Variants in ECT2 observed in about 807,000 individuals in gnomAD.
ECT2 encodes epithelial cell transforming 2.
A neutral mutation model predicts 116.9 loss-of-function variants in ECT2; 61 were observed. The observed-to-expected ratio is 0.52, with a 90% confidence interval of 0.42 to 0.65. ECT2 has a LOEUF of 0.65. ECT2 is among the 30% of genes least tolerant of loss of function. The probability of loss-of-function intolerance (pLI) is 0.00; values close to 1 mark genes in which losing one functional copy is unlikely to be tolerated. For synonymous variants in ECT2, 358 were observed against 346.4 expected (o/e 1.03, Z -0.37); for missense variants, 937 against 1,078.7 (o/e 0.87, Z 1.84).
At chr3:172,794,931 C>T (rs886487695) in intron 18 of ECT2, among the ~76,000 whole-genome samples, 1 of 151,906 alleles carries the variant, frequency 6.6e-6, no homozygotes. Flanking sequence ...AGGCTGGTCT[C>T]GAACTCCTGA....
intron 12 of ECT2, among the ~76,000 whole-genome samples, chr3:172,766,354 A>G (rs1298104644): frequency 2.0e-5 from 3 of 152,246 alleles, no homozygotes. Context: ...AGACTGTAAT[A>G]TCTGAACTGT....
chr3:172,807,934 T>C lies in ECT2; in HGVS notation c.2400+10T>C. 1 of 1,610,600 alleles carries C rather than the reference T, an allele frequency of 6.2e-7. No homozygotes were observed. The highest frequency in any genetic ancestry group is 8.5e-7 in the Non-Finnish European group (1 of 1,178,152). ...TTGTAAAGCAGATGCTGTAAGTTCT[T>C]AAAACAGTATTATAATGAAAGTTTA... On this transcript the variant is annotated intron_variant, in intron 22 of 24. Transcript: ENST00000392692.
At chr3:172,760,945 T>C (rs1718165880) in intron 7 of ECT2, among the ~76,000 whole-genome samples, 1 of 151,962 alleles carries the variant, frequency 6.6e-6, no homozygotes, top group Non-Finnish European at 1.5e-5. Flanking sequence ...GGTCTCAAAC[T>C]CCCGACCTCA....
chr3:172,806,013 C>G, intron 21 of ECT2, 144 bp downstream of exon 21: 1 of 806,708 alleles, frequency 1.2e-6, no homozygotes, highest in Non-Finnish European at 1.9e-6. Context: ...GTTCTTGCAC[C>G]TCTATCCCAT....
the ECT2 span, among the ~76,000 whole-genome samples, chr3:172,828,372 A>C: frequency 7.4e-6 from 1 of 135,644 alleles, no homozygotes. Flanking sequence ...GTGTGTGTGC[A>C]TAAAACGTGA....
chr3:172,829,159 C>G, the ECT2 span: 1 of 542,574 alleles, frequency 1.8e-6, no homozygotes, highest in Non-Finnish European at 3.4e-6. Flanking sequence ...GAACAGTGCC[C>G]CAGTGGTCTG....
rs530233547 is a variant in ECT2, at chr3:172,764,619, C to T, written c.1291+119C>T. On this transcript the variant is annotated intron_variant, in intron 12 of 24. Transcript: ENST00000392692. The stretch of plus-strand genomic sequence containing the variant: ...GTCTTTGCCTTTAATTACCTTTGTT[C>T]TAGCTGTAGAGAAAAGACACATGAA... 3 of 903,910 alleles carry T rather than the reference C, an allele frequency of 3.3e-6. No individual in the cohort carries two copies. In the South Asian group the frequency reaches 5.1e-5, roughly 15 times the overall value. 56.0% of individuals were successfully genotyped at this position (903,910 alleles called of 1,614,324 possible).
At chr3:172,822,205 CAT>C (rs201081704), downstream of ECT2, among the ~76,000 whole-genome samples, 938 of 151,922 alleles carry the variant, frequency 6.2e-3, 9 homozygotes, top group African/African-American at 0.021. Context: ...AGAAGAAAGA[CAT>C]GTGATTTATC....
chr3:172,767,730 T>G (rs548833264), intron 12 of ECT2, among the ~76,000 whole-genome samples: 48 of 151,978 alleles, frequency 3.2e-4, no homozygotes, highest in African/African-American at 9.0e-4. Context: ...ATAGATTTTT[T>G]TTTTGAGACG....
At chr3:172,792,346 C>T (rs1457309875) in intron 18 of ECT2, among the ~76,000 whole-genome samples, 1 of 151,512 alleles carries the variant, frequency 6.6e-6, no homozygotes. Flanking sequence ...ACAGCAACAA[C>T]AAAGAAAACA....
chr3:172,783,589 CTA>C (rs990565918), intron 15 of ECT2, among the ~76,000 whole-genome samples: 14 of 152,008 alleles, frequency 9.2e-5, no homozygotes, highest in African/African-American at 3.1e-4. Context: ...CTGTTTTAGA[CTA>C]TGTATACCAA....
At chr3:172,758,486 G>GAC (rs1049048713) in intron 5 of ECT2, among the ~76,000 whole-genome samples, 20 of 50,738 alleles carry the variant, frequency 3.9e-4, no homozygotes, top group African/African-American at 1.4e-3. Flanking sequence ...CACACACACA[G>GAC]ACACACACAC....
At chr3:172,754,021 C>T (rs144828506) in intron 1 of ECT2, among the ~76,000 whole-genome samples, 97 of 151,988 alleles carry the variant, frequency 6.4e-4, no homozygotes, top group Middle Eastern at 6.8e-3. Flanking sequence ...TGTCATTGAA[C>T]GTATAGAGAA....
intron 13 of ECT2, among the ~76,000 whole-genome samples, chr3:172,771,616 A>G (rs1002821528): frequency 6.6e-6 from 1 of 152,168 alleles, no homozygotes; most frequent in Non-Finnish European, 1.5e-5. Context: ...TATCTAAGCT[A>G]TAGAATAATT....
intron 12 of ECT2, among the ~76,000 whole-genome samples, chr3:172,765,467 TC>T (rs1438015655): frequency 6.6e-6 from 1 of 152,170 alleles, no homozygotes; most frequent in African/African-American, 2.4e-5. Context: ...ACTTTGTACT[TC>T]CTTGTCCATG....
chr3:172,822,463 A>G (rs1307990158), downstream of ECT2, among the ~76,000 whole-genome samples: 5 of 152,030 alleles, frequency 3.3e-5, no homozygotes, highest in African/African-American at 1.2e-4. Flanking sequence ...TGCTAAGTGT[A>G]GACTGATACC....
intron 18 of ECT2, among the ~76,000 whole-genome samples, chr3:172,792,253 G>T (rs143177059): frequency 6.6e-6 from 1 of 152,330 alleles, no homozygotes; most frequent in East Asian, 1.9e-4. Context: ...GAGACACGAA[G>T]TAAGCATGTA....
Position 172,759,067 on chromosome 3 carries a change from C to G in ECT2, c.574C>G (p.Leu192Val). The change falls in exon 6 of 25, where the codon CTA (leucine) becomes GTA (valine). Residue 192 changes from leucine (L) to valine (V), a missense_variant and splice_region_variant. Coordinates refer to ENST00000392692, the MANE Select transcript of ECT2 (RefSeq NM_001258315.2). Reference sequence around the variant, plus strand: ...TACTGGATTTAGGAAAAAAGAAGAACTAGTAAGTATTACGAAACAAATTCA... The same window carrying G: ...TACTGGATTTAGGAAAAAAGAAGAAGTAGTAAGTATTACGAAACAAATTCA... ...CFTGFRKKEE[L>V]VRLVTLVHHM... 6.3e-7 allele frequency: 1 copy of G among 1,579,810 alleles called. No homozygotes were observed. The highest frequency in any genetic ancestry group is 1.2e-5 in the South Asian group (1 of 86,560).
Position 172,755,284 on chromosome 3 carries a change from CAT to C in ECT2, c.131-10_131-9del. On this transcript the variant is annotated splice_polypyrimidine_tract_variant and intron_variant, in intron 2 of 24. Coordinates refer to ENST00000392692, the MANE Select transcript of ECT2 (RefSeq NM_001258315.2). ...ACATGATAAACATTGAAACATTTTA[CAT>C]TTTAACAGAAGAGATGCCTCAGATT... The C allele has an allele frequency of 6.3e-7, 1 of 1,587,384 alleles. No homozygotes were observed. Among genetic ancestry groups the C allele is most frequent in the Non-Finnish European group, 8.5e-7 (1 of 1,171,944 alleles).
Sources: allele counts gnomAD v4.1 joint callset (sites outside exome capture counted in the v4.1 genomes callset), GRCh38; gene constraint gnomAD v4.1.1; transcripts MANE v1.5; gene names NCBI Gene and HGNC (gene_info 2026-07-23, HGNC 2026-07-21).